PCED1B: variants seen among roughly 807,000 people sequenced by gnomAD.
The protein encoded by PCED1B is PC-esterase domain containing 1B, also known as PC-esterase domain-containing protein 1B.
For synonymous variants in PCED1B, 251 were observed against 246.1 expected, an observed-to-expected ratio of 1.02 and a Z score of -0.19; for missense variants, 573 against 573.9, an observed-to-expected ratio of 1.00 and a Z score of 0.02.
Position 47,197,563 on chromosome 12 carries a change from G to A in PCED1B, c.-525-18659G>A, listed in dbSNP as rs139008457. ...GCGGAGGTTGTAGTGAGTCCAGATCGCGCCATTGCACTCCAGCCTGGGCAA... is the reference window on the plus strand; with the variant it reads ...GCGGAGGTTGTAGTGAGTCCAGATCACGCCATTGCACTCCAGCCTGGGCAA... On this transcript the variant is annotated intron_variant, in intron 2 of 3. Transcript: ENST00000546455. 5.7e-3 allele frequency among the ~76,000 whole-genome samples: 867 copies of A among 151,692 alleles called. 4 individuals carry two copies. Among genetic ancestry groups the A allele is most frequent in the African/African-American group, 0.018 (761 of 41,420 alleles).
chr12:47,167,376 GA>G (rs1941578114), intron 2 of PCED1B, among the ~76,000 whole-genome samples: 1 of 152,078 alleles, frequency 6.6e-6, no homozygotes, highest in East Asian at 1.9e-4. Context: ...CTAGGAAAAT[GA>G]AGTGGGAACT....
chr12:47,169,349 G>T (rs1941644744), intron 2 of PCED1B, among the ~76,000 whole-genome samples: 1 of 152,094 alleles, frequency 6.6e-6, no homozygotes, highest in South Asian at 2.1e-4. Flanking sequence ...TATCAGGAAG[G>T]TACCTCTCAT....
At chr12:47,217,067 A>C (rs1190358107) in intron 3 of PCED1B, among the ~76,000 whole-genome samples, 1 of 152,142 alleles carries the variant, frequency 6.6e-6, no homozygotes, top group African/African-American at 2.4e-5. Flanking sequence ...CAGATTACTC[A>C]ATCTTTTAGC....
intron 1 of PCED1B, among the ~76,000 whole-genome samples, chr12:47,084,314 GTACTTGAAGTATGGTTTC>G (rs1937879977): frequency 6.6e-6 from 1 of 152,192 alleles, no homozygotes; most frequent in Admixed American, 6.5e-5. Flanking sequence ...GATTGTATGG[GTACTTGAAGTATGGTTTC>G]TACTGAATGT....
intron 1 of PCED1B, among the ~76,000 whole-genome samples, chr12:47,089,458 ATACATATATATATATAT>A (rs1241975326): frequency 2.4e-4 from 11 of 46,804 alleles, no homozygotes; most frequent in African/African-American, 7.3e-4. Flanking sequence ...AAAAAAAAAA[ATACATATATATATATAT>A]ATATATATAT....
intron 3 of PCED1B, among the ~76,000 whole-genome samples, chr12:47,226,425 G>T (rs566779845): frequency 6.6e-6 from 1 of 152,324 alleles, no homozygotes; most frequent in East Asian, 1.9e-4. Flanking sequence ...CCAGCCTGGA[G>T]TGCATTGGTG....
At chr12:47,155,784 C>A (rs1292103365) in intron 2 of PCED1B, among the ~76,000 whole-genome samples, 2 of 152,112 alleles carry the variant, frequency 1.3e-5, no homozygotes, top group African/African-American at 2.4e-5. Flanking sequence ...GAAGAAGCTG[C>A]CTGATTTGGG....
At chr12:47,098,230 ACTCT>A (rs1031975590) in intron 1 of PCED1B, among the ~76,000 whole-genome samples, 1 of 151,790 alleles carries the variant, frequency 6.6e-6, no homozygotes. Flanking sequence ...CAACAATCAG[ACTCT>A]CTCTTACGAT....
At chr12:47,161,810 A>G (rs1394448266) in intron 2 of PCED1B, among the ~76,000 whole-genome samples, 1 of 152,226 alleles carries the variant, frequency 6.6e-6, no homozygotes, top group Non-Finnish European at 1.5e-5. Context: ...AGACACATGC[A>G]CACATATGTT....
chr12:47,212,053 A>C (rs561280184), intron 2 of PCED1B, among the ~76,000 whole-genome samples: 351 of 138,642 alleles, frequency 2.5e-3, no homozygotes, highest in Admixed American at 4.3e-3. Context: ...CCAGCCTGGG[A>C]GACAGAGCGA....
Position 47,173,848 on chromosome 12 carries a change from T to G in PCED1B, c.-525-42374T>G, listed in dbSNP as rs375321339. Among the ~76,000 whole-genome samples the G allele has an allele frequency of 3.3e-5, 5 of 152,374 alleles. No homozygotes were observed. The East Asian group carries it at 9.6e-4, about 29-fold the overall frequency. On this transcript the variant is annotated intron_variant, in intron 2 of 3. Coordinates refer to ENST00000546455, the MANE Select transcript of PCED1B (RefSeq NM_138371.3). ...GGCTCATAAATATTTCTCAGGTGTTTCATATGTTTTAAAAGGCTGAGGAAA... is the reference window on the plus strand; with the variant it reads ...GGCTCATAAATATTTCTCAGGTGTTGCATATGTTTTAAAAGGCTGAGGAAA...
chr12:47,131,643 T>C (rs894255310), intron 2 of PCED1B, among the ~76,000 whole-genome samples: 1 of 151,766 alleles, frequency 6.6e-6, no homozygotes, highest in Admixed American at 6.6e-5. Context: ...TGCATCTTGA[T>C]TGTGCTGACA....
At chr12:47,184,139 A>C (rs1354470724) in intron 2 of PCED1B, among the ~76,000 whole-genome samples, 1 of 152,112 alleles carries the variant, frequency 6.6e-6, no homozygotes, top group Non-Finnish European at 1.5e-5. Flanking sequence ...GGCCCTCCCA[A>C]AGTGCTGGGA....
chr12:47,185,792 C>CAAAAAAAAA (rs58425348), intron 2 of PCED1B, among the ~76,000 whole-genome samples: 1 of 136,058 alleles, frequency 7.3e-6, no homozygotes. Flanking sequence ...GACTCAGTCT[C>CAAAAAAAAA]AAAAAAAAAA....
At chr12:47,224,343 C>A (rs1943572053) in intron 3 of PCED1B, among the ~76,000 whole-genome samples, 1 of 152,188 alleles carries the variant, frequency 6.6e-6, no homozygotes. Context: ...ATGCTCTCTG[C>A]ATTTCTTTCT....
chr12:47,165,983 C>T (rs1295977158), intron 2 of PCED1B, among the ~76,000 whole-genome samples: 1 of 152,190 alleles, frequency 6.6e-6, no homozygotes, highest in Non-Finnish European at 1.5e-5. Flanking sequence ...TCTTTCCTCT[C>T]ATCACAAATG....
At chr12:47,139,750 A>G (rs1025152191) in intron 2 of PCED1B, among the ~76,000 whole-genome samples, 2 of 151,812 alleles carry the variant, frequency 1.3e-5, no homozygotes, top group Middle Eastern at 3.2e-3. Flanking sequence ...TTTTGTGTAC[A>G]TGGGTTTGAT....
At chr12:47,162,007 G>T (rs902297994) in intron 2 of PCED1B, among the ~76,000 whole-genome samples, 1 of 151,484 alleles carries the variant, frequency 6.6e-6, no homozygotes, top group Non-Finnish European at 1.5e-5. Context: ...GCAAACTATT[G>T]CAAGGACAGA....
chr12:47,132,143 A>G (rs1940159515), intron 2 of PCED1B, among the ~76,000 whole-genome samples: 1 of 152,204 alleles, frequency 6.6e-6, no homozygotes, highest in Admixed American at 6.5e-5. Flanking sequence ...GGCTGCCAGT[A>G]GTCATGTTAA....
Sources: gnomAD v4.1 joint callset for allele counts (sites outside exome capture counted in the v4.1 genomes callset) on GRCh38, gnomAD v4.1.1 for gene constraint, MANE v1.5 for transcripts, NCBI Gene and HGNC (gene_info 2026-07-23, HGNC 2026-07-21) for gene names.